TNFRSF14: variants seen among roughly 807,000 people sequenced by gnomAD.
TNFRSF14 encodes TNF receptor superfamily member 14.
TNFRSF14 carries 18 observed loss-of-function variants against 34.1 expected under a neutral mutation model. The observed-to-expected ratio is 0.53, with a 90% CI of 0.36 to 0.78. The LOEUF (loss-of-function observed/expected upper bound fraction) is 0.78, where lower values mean the gene tolerates loss of function less well. Among genes scored for constraint, TNFRSF14 ranks in the 30% least tolerant of loss-of-function variants. The pLI, the probability that TNFRSF14 is intolerant of heterozygous loss-of-function variation, is 0.00. For missense variants in TNFRSF14, 352 were observed against 379.5 expected (o/e 0.93, Z 0.60); for synonymous variants, 157 against 153.2 (o/e 1.02, Z -0.18).
At chr1:2,558,601 C>T in intron 3 of TNFRSF14, 133 bp downstream of exon 3, 2 of 1,504,828 alleles carry the variant, frequency 1.3e-6, no homozygotes, top group Non-Finnish European at 1.8e-6. Flanking sequence ...AACCCCATCT[C>T]CATGGATGCA....
At chr1:2,559,376 C>T in intron 3 of TNFRSF14, 1 of 1,377,396 alleles carries the variant, frequency 7.3e-7, no homozygotes. Flanking sequence ...CCACCTCCAC[C>T]AGTACCTGAA....
intron 2 of TNFRSF14, 135 bp from the exon 3 acceptor site, chr1:2,558,208 C>A: frequency 7.5e-7 from 1 of 1,328,130 alleles, no homozygotes; most frequent in Non-Finnish European, 1.0e-6. Context: ...TGCTGTGTCC[C>A]GTGGGGCTCA....
chr1:2,562,437 C>T, intron 6 of TNFRSF14: 1 of 272,274 alleles, frequency 3.7e-6, no homozygotes, highest in South Asian at 4.5e-5. Context: ...TGATCCTCAC[C>T]CGGGGCCTCC....
chr1:2,554,453 AG>A (rs1305494087), upstream of TNFRSF14, among the ~76,000 whole-genome samples: 1 of 152,044 alleles, frequency 6.6e-6, no homozygotes, highest in Non-Finnish European at 1.5e-5. The surrounding 1 kb of genome is among the most constrained non-coding windows in gnomAD (Gnocchi z 4.2). Context: ...AAGGGAGAAA[AG>A]GGACGGAGGG....
rs766816471 is a variant in TNFRSF14 at position 2,559,691 on chromosome 1, G to A, written c.305-132G>A. ...CATGCTGGGTACCTCTGGGCACCTCGTTTGGCTGAGCCAGGGGTTCAGCCT... is the reference window on the plus strand; with the variant it reads ...CATGCTGGGTACCTCTGGGCACCTCATTTGGCTGAGCCAGGGGTTCAGCCT... On this transcript the variant is annotated intron_variant, in intron 3 of 7. Coordinates refer to ENST00000355716, the MANE Select transcript of TNFRSF14 (RefSeq NM_003820.4). The A allele has an allele frequency of 4.5e-5, 69 of 1,535,736 alleles. 1 individual carries two copies. In the South Asian group the frequency reaches 7.9e-4, roughly 18 times the overall value.
chr1:2,560,581 G>T, intron 4 of TNFRSF14, 43 bp from the exon 5 acceptor site: 1 of 1,530,964 alleles, frequency 6.5e-7, no homozygotes, highest in African/African-American at 1.4e-5. Flanking sequence ...CCCCCTCCTG[G>T]CCTGGTGCCC....
intron 6 of TNFRSF14, chr1:2,562,611 G>A (rs974665635): frequency 1.7e-6 from 1 of 605,892 alleles, no homozygotes; most frequent in East Asian, 2.8e-5. Context: ...TATGCACTTG[G>A]GGGCCTCAGC....
Position 2,559,866 on chromosome 1 carries a change from C to G in TNFRSF14, c.348C>G (p.Asn116Lys), listed in dbSNP as rs2234162. 10 of 1,606,828 alleles carry G rather than the reference C, an allele frequency of 6.2e-6. No individual in the cohort carries two copies. Among genetic ancestry groups the G allele is most frequent in the Non-Finnish European group, 7.6e-6 (9 of 1,177,324 alleles). ...GCCGGAACTGCTCCAGGACAGAGAA[C>G]GCCGTGTGTGGCTGCAGCCCAGGCC... ...RASRNCSRTE[N>K]AVCGCSPGHF... The change falls in exon 4 of 8, where the codon AAC becomes AAG. Residue 116 changes from asparagine (N) to lysine (K), a missense_variant. Transcript: ENST00000355716.
rs1644311215 is a variant in TNFRSF14, at chr1:2,561,685, G to A, written c.564G>A (p.Leu188=). The change falls in exon 6 of 8, where the codon CTG becomes CTA. Residue 188 remains leucine (L), a synonymous_variant. Transcript: ENST00000355716. The surrounding 1 kb of genome is among the most constrained non-coding windows in gnomAD (Gnocchi z 6.0). ...ECQHQTKCSW[L]VTKAGAGTSS... ...CCCACTCCCGCAGGTGCAGCTGGCTGGTGACGAAGGCCGGAGCTGGGACCA... is the reference window on the plus strand; with the variant it reads ...CCCACTCCCGCAGGTGCAGCTGGCTAGTGACGAAGGCCGGAGCTGGGACCA... 2 of 1,613,036 alleles carry A rather than the reference G, an allele frequency of 1.2e-6. No homozygotes were observed. The highest frequency in any genetic ancestry group is 1.3e-5 in the African/African-American group (1 of 74,908).
intron 6 of TNFRSF14, 43 bp from the exon 7 acceptor site, chr1:2,562,822 T>G: frequency 6.2e-7 from 1 of 1,613,606 alleles, no homozygotes; most frequent in South Asian, 1.1e-5. Context: ...TGTCCCCTGA[T>G]CAGACACTGC....
At chr1:2,557,455 C>T (rs1188205134) in intron 1 of TNFRSF14, among the ~76,000 whole-genome samples, 2 of 152,130 alleles carry the variant, frequency 1.3e-5, no homozygotes, top group East Asian at 3.9e-4. Context: ...GGTGTGGGGT[C>T]CCTGGCGAGG....
intron 2 of TNFRSF14, 90 bp downstream of exon 2, chr1:2,557,924 C>A (rs991099754): frequency 9.1e-7 from 1 of 1,103,800 alleles, no homozygotes; most frequent in Non-Finnish European, 1.3e-6. Flanking sequence ...TGTTCTCTGC[C>A]CCCACAGCCA....
At position 2,558,333 on chromosome 1, in the gene TNFRSF14, T is replaced by C; in HGVS notation, c.179-10T>C. On this transcript the variant is annotated splice_polypyrimidine_tract_variant and intron_variant, in intron 2 of 7. Coordinates refer to ENST00000355716, the MANE Select transcript of TNFRSF14 (RefSeq NM_003820.4). ...GCAGACTTGCGAAGTTCCCACTCTC[T>C]GGGCGGCAGGTTATCGTGTGAAGGA... is the stretch of plus-strand genomic sequence containing the variant. 6.3e-7 allele frequency: 1 copy of C among 1,595,136 alleles called. No individual in the cohort carries two copies. The highest frequency in any genetic ancestry group is 2.3e-5 in the East Asian group (1 of 44,388).
intron 3 of TNFRSF14, chr1:2,559,086 A>G (rs1175157388): frequency 7.3e-7 from 1 of 1,368,886 alleles, no homozygotes; most frequent in Non-Finnish European, 9.6e-7. Context: ...GCCAGGCAGG[A>G]CTGCACCTGC....
rs1185205431 is a variant in TNFRSF14, at chr1:2,562,797, A to G, written c.695-68A>G. ...GTGCCTCCGCCACCGCTGTGAGACC[A>G]TTGCCATGAGCCTGTGTCCCCTGAT... On this transcript the variant is annotated intron_variant, in intron 6 of 7. Coordinates refer to ENST00000355716, the MANE Select transcript of TNFRSF14 (RefSeq NM_003820.4). 5 of 1,600,800 alleles carry G rather than the reference A, an allele frequency of 3.1e-6. No individual in the cohort carries two copies. The Admixed American group carries it at 5.0e-5, about 16-fold the overall frequency.
At chr1:2,559,159 TG>T (rs746189654) in intron 3 of TNFRSF14, 1 of 1,364,740 alleles carries the variant, frequency 7.3e-7, no homozygotes, top group South Asian at 1.2e-5. Context: ...ACAGGGCAGG[TG>T]GGCTAGCCAT....
chr1:2,558,513 G>C (rs1050148915), intron 3 of TNFRSF14, 45 bp downstream of exon 3: 1 of 1,609,726 alleles, frequency 6.2e-7, no homozygotes, highest in African/African-American at 1.3e-5. Context: ...TGGGCAGCCT[G>C]GATGCCCCCG....
intron 3 of TNFRSF14, chr1:2,559,299 T>C: frequency 7.3e-7 from 1 of 1,366,722 alleles, no homozygotes; most frequent in Non-Finnish European, 9.7e-7. Flanking sequence ...CTACTTGGGC[T>C]GAGGATGTGG....
chr1:2,559,780 C>T (rs370221269), intron 3 of TNFRSF14, 43 bp from the exon 4 acceptor site: 77 of 1,577,622 alleles, frequency 4.9e-5, no homozygotes, highest in African/African-American at 2.5e-4. Flanking sequence ...GATGGTGTCC[C>T]GGCCTCCACG....
Sources: allele counts gnomAD v4.1 joint callset (sites outside exome capture counted in the v4.1 genomes callset), GRCh38; gene constraint gnomAD v4.1.1; non-coding constraint Gnocchi (gnomAD v3.1); transcripts MANE v1.5; gene names NCBI Gene and HGNC (gene_info 2026-07-23, HGNC 2026-07-21).